The following KIF21A variants were observed in gnomAD, a reference collection of about 807,000 sequenced individuals.
The protein encoded by KIF21A is kinesin-like protein KIF21A.
A neutral mutation model predicts 202.9 loss-of-function variants in KIF21A; 114 were observed. The ratio of observed to expected loss-of-function variants is 0.56; its 90% confidence interval spans 0.48 to 0.66. KIF21A has a LOEUF of 0.66. Among genes scored for constraint, KIF21A ranks in the 30% least tolerant of loss-of-function variants. The probability of loss-of-function intolerance (pLI) is 0.00; values close to 1 mark genes in which losing one functional copy is unlikely to be tolerated. For synonymous variants in KIF21A, 667 were observed against 670.8 expected, an observed-to-expected ratio of 0.99 and a Z score of 0.09; for missense variants, 1,677 against 1,994.9, an observed-to-expected ratio of 0.84 and a Z score of 3.04.
chr12:39,368,528 C>G (rs1292440173), intron 3 of KIF21A, among the ~76,000 whole-genome samples: 2 of 152,024 alleles, frequency 1.3e-5, no homozygotes, highest in African/African-American at 4.8e-5. Flanking sequence ...TGAAAAAACC[C>G]AGATACCTCC....
At chr12:39,314,897 C>G (rs1036974799) in intron 31 of KIF21A, among the ~76,000 whole-genome samples, 7 of 151,624 alleles carry the variant, frequency 4.6e-5, no homozygotes, top group Non-Finnish European at 1.0e-4. Flanking sequence ...GAAAAAAAAT[C>G]TCAATATTAA....
intron 1 of KIF21A, among the ~76,000 whole-genome samples, chr12:39,401,673 T>G (rs1301767340): frequency 6.6e-6 from 1 of 152,178 alleles, no homozygotes; most frequent in Non-Finnish European, 1.5e-5. Flanking sequence ...TCAAAACCAG[T>G]GCCCAGAACA....
intron 26 of KIF21A, among the ~76,000 whole-genome samples, chr12:39,325,162 C>T (rs1945723986): frequency 6.6e-6 from 1 of 152,138 alleles, no homozygotes; most frequent in Admixed American, 6.5e-5. Context: ...TAAGAACACA[C>T]TAGAATGCTA....
At chr12:39,356,192 C>T (rs752454185) in intron 10 of KIF21A, among the ~76,000 whole-genome samples, 9 of 152,210 alleles carry the variant, frequency 5.9e-5, no homozygotes, top group Non-Finnish European at 1.2e-4. Flanking sequence ...CTCCACATTC[C>T]TACACCAGCA....
chr12:39,358,522 T>A (rs771687865), intron 7 of KIF21A, 149 bp from the exon 8 acceptor site: 25 of 703,978 alleles, frequency 3.6e-5, no homozygotes, highest in Non-Finnish European at 6.0e-5. Context: ...ACTTGAAGAC[T>A]ATCTTAAGAA....
At chr12:39,434,174 G>C (rs1938357050) in intron 1 of KIF21A, among the ~76,000 whole-genome samples, 2 of 152,202 alleles carry the variant, frequency 1.3e-5, no homozygotes, top group South Asian at 4.1e-4. Context: ...ATCTGGCACG[G>C]TCTTTCTTGC....
chr12:39,309,824 C>A, intron 32 of KIF21A, 58 bp from the exon 33 acceptor site: 1 of 1,351,958 alleles, frequency 7.4e-7, no homozygotes, highest in South Asian at 1.3e-5. Flanking sequence ...TTTAGGTTCT[C>A]TTAACAATAA....
At chr12:39,370,385 T>C (rs915561310) in intron 1 of KIF21A, 124 bp from the exon 2 acceptor site, 18 of 689,762 alleles carry the variant, frequency 2.6e-5, no homozygotes, top group Admixed American at 2.3e-4. Flanking sequence ...CTAATGCTTA[T>C]TCAGTTGAAA....
chr12:39,338,318 T>C (rs532247759), intron 16 of KIF21A, among the ~76,000 whole-genome samples: 2 of 152,310 alleles, frequency 1.3e-5, no homozygotes, highest in East Asian at 3.8e-4. Flanking sequence ...AATATTTTTG[T>C]ACGGCTATAC....
chr12:39,439,513 C>T (rs193068192), intron 1 of KIF21A, among the ~76,000 whole-genome samples: 142 of 152,158 alleles, frequency 9.3e-4, no homozygotes, highest in African/African-American at 1.9e-3. Context: ...ATCACTACTT[C>T]GATTTCAAAA....
At chr12:39,391,900 G>C (rs934566613) in intron 1 of KIF21A, among the ~76,000 whole-genome samples, 1 of 151,866 alleles carries the variant, frequency 6.6e-6, no homozygotes, top group Non-Finnish European at 1.5e-5. Context: ...CATTACACCC[G>C]GCTAATTTTT....
chr12:39,328,316 T>G (rs1337888456), intron 24 of KIF21A, among the ~76,000 whole-genome samples: 2 of 152,316 alleles, frequency 1.3e-5, no homozygotes, highest in African/African-American at 4.8e-5. Flanking sequence ...TGGACTTTCC[T>G]GGACATAAAC....
At chr12:39,333,623 T>C (rs1191471901) in intron 17 of KIF21A, among the ~76,000 whole-genome samples, 1 of 152,190 alleles carries the variant, frequency 6.6e-6, no homozygotes, top group Non-Finnish European at 1.5e-5. Context: ...TAGTTGCTGT[T>C]TGAGGTACAA....
intron 37 of KIF21A, among the ~76,000 whole-genome samples, chr12:39,300,146 G>C (rs1374122791): frequency 6.6e-6 from 1 of 151,958 alleles, no homozygotes; most frequent in East Asian, 1.9e-4. Context: ...TCAAAACTGA[G>C]ACCATATCCT....
At chr12:39,379,025 C>A (rs1950440284) in intron 1 of KIF21A, among the ~76,000 whole-genome samples, 1 of 152,000 alleles carries the variant, frequency 6.6e-6, no homozygotes, top group African/African-American at 2.4e-5. Context: ...GGGGCAGAAG[C>A]ACTAGCATAA....
chr12:39,429,849 G>A (rs1404688171), intron 1 of KIF21A, among the ~76,000 whole-genome samples: 3 of 151,594 alleles, frequency 2.0e-5, no homozygotes, highest in Non-Finnish European at 4.4e-5. Flanking sequence ...CAGATAGAAG[G>A]AGGAGAAAAA....
In KIF21A at chr12:39,304,873, A is replaced by T. The variant is rs559104078; in HGVS notation, c.4508T>A (p.Ile1503Asn). The change falls in exon 35 of 38, where the codon ATT becomes AAT. Residue 1503 changes from isoleucine (I) to asparagine (N), a missense_variant. By Grantham distance (149) the Ile-to-Asn change is moderately radical. Around this residue, in one of 3 missense-constraint regions of KIF21A, gnomAD observed 705 missense variants for 791.9 expected, o/e 0.89. Coordinates refer to ENST00000361418, the MANE Select transcript of KIF21A (RefSeq NM_001173464.2). Reference protein sequence around the residue: ...GPVMCLTVDQISSGQDLIITG... With the variant: ...GPVMCLTVDQNSSGQDLIITG... Reference sequence around the variant, plus strand: ...GATGATTAGATCTTGTCCACTGGAAATCTGATCCACAGTAAGGCACATAAC... The same window carrying T: ...GATGATTAGATCTTGTCCACTGGAATTCTGATCCACAGTAAGGCACATAAC... The T allele has an allele frequency of 6.2e-7, 1 of 1,610,118 alleles. No homozygotes were observed. The highest frequency in any genetic ancestry group is 1.1e-5 in the South Asian group (1 of 90,862).
intron 34 of KIF21A, among the ~76,000 whole-genome samples, chr12:39,305,319 T>C (rs539083308): frequency 3.4e-5 from 5 of 148,612 alleles, no homozygotes; most frequent in Admixed American, 1.4e-4. Flanking sequence ...CAAGCCGAGA[T>C]TGAGCCACTG....
At chr12:39,400,891 A>AT (rs769267029) in intron 1 of KIF21A, among the ~76,000 whole-genome samples, 1 of 152,216 alleles carries the variant, frequency 6.6e-6, no homozygotes, top group Non-Finnish European at 1.5e-5. Context: ...AAAATGACCA[A>AT]TTATACCAAA....
Sources: gnomAD v4.1 joint callset for allele counts (sites outside exome capture counted in the v4.1 genomes callset) on GRCh38, gnomAD v4.1.1 for gene constraint, gnomAD v4.1.1 regional missense constraint, MANE v1.5 for transcripts, NCBI Gene and HGNC (gene_info 2026-07-23, HGNC 2026-07-21) for gene names.